CD164: variants seen among roughly 807,000 people sequenced by gnomAD.
The protein encoded by CD164 is sialomucin core protein 24.
CD164 carries 11 observed loss-of-function variants against 24.6 expected under a neutral mutation model. That is an observed-to-expected ratio of 0.45 (90% CI 0.28 to 0.74). CD164 has a LOEUF of 0.74. CD164 is among the 30% of genes least tolerant of loss of function. The pLI, the probability that CD164 is intolerant of heterozygous loss-of-function variation, is 0.13. For missense variants in CD164, 295 were observed against 243.7 expected (o/e 1.21, Z -1.40); for synonymous variants, 126 against 100.3 (o/e 1.26, Z -1.53).
intron 3 of CD164, among the ~76,000 whole-genome samples, chr6:109,376,753 A>G (rs1771432701): frequency 6.6e-6 from 1 of 152,274 alleles, no homozygotes; most frequent in Non-Finnish European, 1.5e-5. Context: ...AATACTAATG[A>G]AATCTTCATT....
At chr6:109,374,136 A>C (rs1771265817) in intron 4 of CD164, among the ~76,000 whole-genome samples, 1 of 151,920 alleles carries the variant, frequency 6.6e-6, no homozygotes, top group Non-Finnish European at 1.5e-5. Flanking sequence ...CTTAGACATT[A>C]CTGTTTCCTA....
intron 1 of CD164, among the ~76,000 whole-genome samples, chr6:109,381,211 TTC>T (rs1771718916): frequency 6.6e-6 from 1 of 152,200 alleles, no homozygotes; most frequent in Non-Finnish European, 1.5e-5. Context: ...CTTATCTTCC[TTC>T]TCTCTTTTGT....
Position 109,377,964 on chromosome 6 carries a change from G to T in CD164, c.267C>A (p.Ser89Arg). 6.2e-7 allele frequency: 1 copy of T among 1,612,878 alleles called. No homozygotes were observed. Among genetic ancestry groups the T allele is most frequent in the Admixed American group, 1.7e-5 (1 of 60,018 alleles). Residue 89 changes from serine (S) to arginine (R), a missense_variant, in exon 3 of 6, where the codon AGC (serine) becomes AGA (arginine). Physicochemically the swap from Ser to Arg is moderately radical, Grantham distance 110. Coordinates refer to ENST00000310786, the MANE Select transcript of CD164 (RefSeq NM_006016.6). ...TAACTGTTGAGTTATGTGAACAATA[G>T]CTCTCATCTGTTGGGGGGCAGGGGA... The part of the protein sequence containing the change: ...TCFWIECKDE[S>R]YCSHNSTVSD...
At chr6:109,382,097 C>T in intron 1 of CD164, 107 bp downstream of exon 1, 1 of 1,031,306 alleles carries the variant, frequency 9.7e-7, no homozygotes, top group Non-Finnish European at 1.2e-6. Context: ...CGAGCGCGGC[C>T]CGCCCGCCCG....
At chr6:109,377,721 C>A (rs984467012) in intron 3 of CD164, among the ~76,000 whole-genome samples, 179 bp downstream of exon 3, 1 of 151,616 alleles carries the variant, frequency 6.6e-6, no homozygotes, top group Non-Finnish European at 1.5e-5. Flanking sequence ...AATCACTAAA[C>A]CAAGCTTCAA....
In CD164 at chr6:109,382,359, G is replaced by A; in HGVS notation, c.20C>T (p.Ser7Leu). 6.4e-7 allele frequency: 1 copy of A among 1,552,032 alleles called. No homozygotes were observed. The highest frequency in any genetic ancestry group is 1.4e-5 in the African/African-American group (1 of 73,484). The change falls in exon 1 of 6, where the codon TCA becomes TTA. Residue 7 changes from serine to leucine, a missense_variant. Ser to Leu is a moderately radical substitution (Grantham distance 145). Transcript: ENST00000310786. MSRLSRSLLWAATCLGV... is the reference protein window; with the variant it reads MSRLSRLLLWAATCLGV... ...CAGGCAGGTGGCGGCCCAAAGCAGT[G>A]AGCGGGAGAGCCGCGACATCGTGTC...
At chr6:109,376,267 C>G (rs1771403476) in intron 3 of CD164, among the ~76,000 whole-genome samples, 155 bp from the exon 4 acceptor site, 1 of 152,192 alleles carries the variant, frequency 6.6e-6, no homozygotes, top group South Asian at 2.1e-4. Context: ...ACAGTTGCCC[C>G]CAAATACCAG....
chr6:109,375,738 A>T, intron 4 of CD164: 1 of 228,990 alleles, frequency 4.4e-6, no homozygotes, highest in Non-Finnish European at 8.3e-6. Flanking sequence ...TTAATCACTG[A>T]AAACATTTTG....
intron 2 of CD164, 113 bp from the exon 3 acceptor site, chr6:109,378,084 G>C: frequency 1.2e-6 from 1 of 809,530 alleles, no homozygotes; most frequent in Non-Finnish European, 2.0e-6. Context: ...GAAGTGGGCA[G>C]GGGGAACCAC....
intron 4 of CD164, chr6:109,372,644 C>G (rs1771146622): frequency 6.6e-6 from 1 of 152,150 alleles, no homozygotes; most frequent in Non-Finnish European, 1.5e-5. Context: ...GACCTTATCT[C>G]TGGTAAGACT....
chr6:109,381,400 G>A (rs973806333), intron 1 of CD164: 5 of 671,134 alleles, frequency 7.5e-6, no homozygotes, highest in Admixed American at 2.2e-5. Flanking sequence ...ACAGGACATA[G>A]TTAAGAAAAT....
rs1455680169 is a variant in CD164, at chr6:109,377,768, TC to T, written c.331+131del. Reference sequence around the variant, plus strand: ...TAATCAATCAATATGAATATACTATTCATATTCCAATTCTAACAAGATGAGA... The same window carrying T: ...TAATCAATCAATATGAATATACTATTATATTCCAATTCTAACAAGATGAGA... On this transcript the variant is annotated intron_variant, in intron 3 of 5. Transcript: ENST00000310786. The T allele has an allele frequency of 5.7e-6, 4 of 698,738 alleles. No homozygotes were observed. In the East Asian group the frequency reaches 1.0e-4, roughly 18 times the overall value. 43.3% of individuals were successfully genotyped at this position (698,738 alleles called of 1,614,324 possible). A position where few individuals can be genotyped will look rare whatever the true frequency, so the allele number is the denominator to read the frequency against.
intron 3 of CD164, among the ~76,000 whole-genome samples, chr6:109,376,514 A>C (rs1052329936): frequency 3.9e-5 from 6 of 152,198 alleles, no homozygotes; most frequent in African/African-American, 1.4e-4. Context: ...CATTTTTGAG[A>C]GGTGAAAGAG....
chr6:109,377,997 C>G, intron 2 of CD164, 26 bp from the exon 3 acceptor site: 1 of 1,558,558 alleles, frequency 6.4e-7, no homozygotes, highest in Non-Finnish European at 8.8e-7. Context: ...GGAAAAGAGA[C>G]AAACAGCATC....
rs796850410 is a variant in CD164, at chr6:109,367,209, TTAAGTA to T, written c.*1636_*1641del. The T allele has an allele frequency of 2.6e-5, 4 of 152,612 alleles. No individual in the cohort carries two copies. In the East Asian group the frequency reaches 7.7e-4, roughly 29 times the overall value. The allele number at this position is 152,612 out of a possible 1,614,324, so 9.5% of individuals were successfully genotyped here. On this transcript the variant is annotated 3_prime_UTR_variant, in exon 6 of 6. Transcript: ENST00000310786. Reference sequence around the variant, plus strand: ...TAAACAATTAAGGCACTTGAAAACATTAAGTATATGTACAAATGTGCAAGTAAAACA... The same window carrying T: ...TAAACAATTAAGGCACTTGAAAACATTATGTACAAATGTGCAAGTAAAACA...
chr6:109,377,757 G>C (rs972140554), intron 3 of CD164, 143 bp downstream of exon 3: 7 of 646,766 alleles, frequency 1.1e-5, no homozygotes, highest in Non-Finnish European at 2.0e-5. Context: ...CAATCAATAT[G>C]AATATACTAT....
In CD164 at chr6:109,376,080, A is replaced by C; in HGVS notation, c.364T>G (p.Ser122Ala). The C allele has an allele frequency of 6.4e-7, 1 of 1,572,314 alleles. No individual in the cohort carries two copies. The highest frequency in any genetic ancestry group is 8.6e-7 in the Non-Finnish European group (1 of 1,169,446). The change falls in exon 4 of 6, where the codon TCT (serine) becomes GCT (alanine). Residue 122 changes from serine (S) to alanine (A), a missense_variant. Ser to Ala is a moderately conservative substitution (Grantham distance 99, BLOSUM62 1). Coordinates refer to ENST00000310786, the MANE Select transcript of CD164 (RefSeq NM_006016.6). ...AACAGTCATCTTGAATTACCTGTAGAATTGGCTGTTGGCACTGGAGTGGCC... is the reference window on the plus strand; with the variant it reads ...AACAGTCATCTTGAATTACCTGTAGCATTGGCTGTTGGCACTGGAGTGGCC... ...STATPVPTAN[S>A]TAKPTVQPSP...
chr6:109,370,324 G>T, intron 5 of CD164, 87 bp downstream of exon 5: 24 of 1,097,310 alleles, frequency 2.2e-5, no homozygotes, highest in Non-Finnish European at 3.3e-5. Context: ...CATTAACGAA[G>T]AAAGCTGGAA....
chr6:109,382,093 C>CGGCCCGCCCGCCCGACCGT, intron 1 of CD164, 111 bp downstream of exon 1: 1 of 979,970 alleles, frequency 1.0e-6, no homozygotes, highest in Non-Finnish European at 1.3e-6. Flanking sequence ...ACCCCGAGCG[C>CGGCCCGCCCGCCCGACCGT]GGCCCGCCCG....
Sources: gnomAD v4.1 joint callset for allele counts (sites outside exome capture counted in the v4.1 genomes callset) on GRCh38, gnomAD v4.1.1 for gene constraint, MANE v1.5 for transcripts, NCBI Gene and HGNC (gene_info 2026-07-23, HGNC 2026-07-21) for gene names.